NCBP2L: variants seen among roughly 807,000 people sequenced by gnomAD.
The protein encoded by NCBP2L is nuclear cap binding protein subunit 2 like.
For synonymous variants in NCBP2L, 39 were observed against 19.2 expected, an observed-to-expected ratio of 2.04 and a Z score of -2.70; for missense variants, 95 against 53.1, an observed-to-expected ratio of 1.79 and a Z score of -2.45.
Position 107,782,217 on chromosome X carries a change from A to T in NCBP2L, c.-73+4359A>T, listed in dbSNP as rs1930309349. ...TATAAATATATATATATAAATATAT[A>T]TATAAATATATATATATAAATATAT... On this transcript the variant is annotated intron_variant, in intron 1 of 1. Coordinates refer to ENST00000509000, the MANE Select transcript of NCBP2L (RefSeq NM_001348372.2). Among the ~76,000 whole-genome samples, 3 of 24,839 alleles carry T rather than the reference A, an allele frequency of 1.2e-4. 1 individual carries two copies. The highest frequency in any genetic ancestry group is 1.8e-4 in the Non-Finnish European group (3 of 16,496). The allele number at this position is 24,839 out of a possible 115,157, so 21.6% of individuals were successfully genotyped here. A position where few individuals can be genotyped will look rare whatever the true frequency, so the allele number is the denominator to read the frequency against.
At position 107,782,264 on chromosome X, in the gene NCBP2L, TATATATATATAA is replaced by T. The variant is rs1569457275; in HGVS notation, c.-73+4416_-73+4427del. ...ATATATATATAAATATATATATAAA[TATATATATATAA>T]ATATATATAAATATATATATATAAA... On this transcript the variant is annotated intron_variant, in intron 1 of 1. Transcript: ENST00000509000. 1.0e-3 allele frequency among the ~76,000 whole-genome samples: 16 copies of T among 15,487 alleles called. 4 individuals carry two copies. Among genetic ancestry groups the T allele is most frequent in the African/African-American group, 9.8e-3 (13 of 1,323 alleles). The allele number at this position is 15,487 out of a possible 115,157, so 13.4% of individuals were successfully genotyped here.
chrX:107,792,811 G>A, intron 1 of NCBP2L, among the ~76,000 whole-genome samples: 1 of 111,852 alleles, frequency 8.9e-6, no homozygotes, highest in East Asian at 2.8e-4. Flanking sequence ...GGGTGTTGTA[G>A]TGGCAAGTGA....
At chrX:107,784,807 C>CA (rs10550955) in intron 1 of NCBP2L, among the ~76,000 whole-genome samples, 581 of 40,983 alleles carry the variant, frequency 0.014, 3 homozygotes, top group South Asian at 0.041. Context: ...CCCATCTCCA[C>CA]AAAAAAAAAA....
At chrX:107,783,111 A>G (rs1930347066) in intron 1 of NCBP2L, among the ~76,000 whole-genome samples, 1 of 110,368 alleles carries the variant, frequency 9.1e-6, no homozygotes, top group African/African-American at 3.3e-5. Context: ...GTTCTTGGGC[A>G]TGGTAGATAC....
chrX:107,794,367 T>C lies in NCBP2L; in HGVS notation c.147T>C (p.Tyr49=), dbSNP rs1341236745. The C allele has an allele frequency of 5.3e-6, 3 of 568,997 alleles. No individual in the cohort carries two copies. In the African/African-American group the frequency reaches 6.7e-5, roughly 13 times the overall value. 46.9% of individuals were successfully genotyped at this position (568,997 alleles called of 1,213,427 possible). A position where few individuals can be genotyped will look rare whatever the true frequency, so the allele number is the denominator to read the frequency against. The change falls in exon 2 of 2, where the codon TAT becomes TAC. Residue 49 remains tyrosine (Y), a synonymous_variant. Transcript: ENST00000509000. ...TGAATATGGGGAATCTTTCCTTTTA[T>C]ACAACCGAAGAGAAAATACATGAAC... ...STLNMGNLSF[Y]TTEEKIHELF...
Position 107,794,566 on chromosome X carries a change from G to A in NCBP2L, c.346G>A (p.Gly116Ser), listed in dbSNP as rs777626552. Reference sequence around the variant, plus strand: ...GATTATCTGCACTGATTGGGATGTCGGTTTTAGAGAGGGTCAACAGTATGG... The same window carrying A: ...GATTATCTGCACTGATTGGGATGTCAGTTTTAGAGAGGGTCAACAGTATGG... ...EWIICTDWDVGFREGQQYGRG... is the reference protein window; with the variant it reads ...EWIICTDWDVSFREGQQYGRG... Residue 116 changes from glycine to serine, a missense_variant, in exon 2 of 2, where the codon GGT becomes AGT. Gly to Ser is a moderately conservative substitution (Grantham distance 56). Transcript: ENST00000509000. The A allele has an allele frequency of 5.5e-5, 31 of 567,894 alleles. 1 individual carries two copies. In the South Asian group the frequency reaches 6.0e-4, roughly 11 times the overall value. 46.8% of individuals were successfully genotyped at this position (567,894 alleles called of 1,213,427 possible).
intron 1 of NCBP2L, among the ~76,000 whole-genome samples, chrX:107,779,629 C>T (rs754870345): frequency 9.0e-6 from 1 of 110,808 alleles, no homozygotes; most frequent in African/African-American, 3.3e-5. Context: ...GGTTTCGCCA[C>T]ATTGGCCAAG....
rs1432179503 is a variant in NCBP2L, at chrX:107,795,611, T to G, written c.*929T>G. 2.7e-5 allele frequency: 3 copies of G among 111,857 alleles called. No individual in the cohort carries two copies. The East Asian group carries it at 8.4e-4, about 31-fold the overall frequency. 9.2% of individuals were successfully genotyped at this position (111,857 alleles called of 1,213,427 possible). Reference sequence around the variant, plus strand: ...TTTGGGTTAGATGATTTTGCCCAAGTGTAGGCTAATGTAAAATGTTTAAGA... The same window carrying G: ...TTTGGGTTAGATGATTTTGCCCAAGGGTAGGCTAATGTAAAATGTTTAAGA... On this transcript the variant is annotated 3_prime_UTR_variant, in exon 2 of 2. Coordinates refer to ENST00000509000, the MANE Select transcript of NCBP2L (RefSeq NM_001348372.2).
chrX:107,794,136 C>T lies in NCBP2L; in HGVS notation c.-72-13C>T. On this transcript the variant is annotated splice_polypyrimidine_tract_variant and intron_variant, in intron 1 of 1. Coordinates refer to ENST00000509000, the MANE Select transcript of NCBP2L (RefSeq NM_001348372.2). ...CTCCTTTTGACTTCCCTCTTTTTTT[C>T]AACTCAACTTAGGTTTTCAGTGGTG... The T allele has an allele frequency of 8.7e-6, 4 of 461,462 alleles. No homozygotes were observed. The highest frequency in any genetic ancestry group is 1.5e-5 in the Non-Finnish European group (4 of 258,266). The allele number at this position is 461,462 out of a possible 1,213,427, so 38.0% of individuals were successfully genotyped here.
intron 1 of NCBP2L, among the ~76,000 whole-genome samples, chrX:107,778,558 C>CT (rs1271904744): frequency 2.7e-5 from 3 of 112,862 alleles, no homozygotes; most frequent in Non-Finnish European, 1.9e-5. Flanking sequence ...CAGGAGAAGG[C>CT]TGACTGGGCA....
At chrX:107,783,447 A>T (rs1396498449) in intron 1 of NCBP2L, among the ~76,000 whole-genome samples, 1 of 100,390 alleles carries the variant, frequency 1.0e-5, no homozygotes, top group Non-Finnish European at 2.0e-5. Flanking sequence ...ATCTCCGCTC[A>T]CTGCAGCTTC....
intron 1 of NCBP2L, among the ~76,000 whole-genome samples, chrX:107,782,326 AATATATATATAAAT>A (rs1482852089): frequency 3.3e-4 from 10 of 30,514 alleles, no homozygotes; most frequent in South Asian, 1.4e-3. Context: ...TATATATATA[AATATATATATAAAT>A]ATATATATAT....
rs1930274383 is a variant in NCBP2L, at chrX:107,781,658, C to CTATCTATCTA, written c.-73+3802_-73+3811dup. 1.3e-4 allele frequency among the ~76,000 whole-genome samples: 9 copies of CTATCTATCTA among 68,481 alleles called. No homozygotes were observed. In the South Asian group the frequency reaches 5.7e-3, roughly 43 times the overall value. 59.5% of individuals were successfully genotyped at this position (68,481 alleles called of 115,157 possible). On this transcript the variant is annotated intron_variant, in intron 1 of 1. Transcript: ENST00000509000. ...ATCTATCTATCTATCTATCATCTAT[C>CTATCTATCTA]TATCTATCTATCTATCTATCTCTCT...
rs765289800 is a variant in NCBP2L at position 107,792,459 on chromosome X, G to GC, written c.-72-1689dup. On this transcript the variant is annotated intron_variant, in intron 1 of 1. Coordinates refer to ENST00000509000, the MANE Select transcript of NCBP2L (RefSeq NM_001348372.2). ...GTATACTTTCAGACATCCTTGACAGGCTGTCAGGAAGATGATTTTTGGCCA... is the reference window on the plus strand; with the variant it reads ...GTATACTTTCAGACATCCTTGACAGGCCTGTCAGGAAGATGATTTTTGGCCA... Among the ~76,000 whole-genome samples the GC allele has an allele frequency of 2.7e-5, 3 of 111,851 alleles. No homozygotes were observed. The South Asian group carries it at 1.1e-3, about 42-fold the overall frequency.
chrX:107,790,486 C>T (rs1007428416), intron 1 of NCBP2L, among the ~76,000 whole-genome samples: 1 of 110,771 alleles, frequency 9.0e-6, no homozygotes, highest in Admixed American at 9.6e-5. Flanking sequence ...CTTACAAGGC[C>T]CCTCACAATC....
intron 1 of NCBP2L, among the ~76,000 whole-genome samples, chrX:107,783,367 T>A (rs1212052850): frequency 1.2e-4 from 12 of 96,183 alleles, no homozygotes; most frequent in African/African-American, 1.6e-4. Context: ...CCTTTTTTTT[T>A]TTTTTTTTTT....
At chrX:107,782,943 G>GTATA (rs750369702) in intron 1 of NCBP2L, among the ~76,000 whole-genome samples, 11 of 104,888 alleles carry the variant, frequency 1.0e-4, no homozygotes, top group African/African-American at 3.8e-4. Context: ...ATACATGTGT[G>GTATA]TATATATATA....
chrX:107,779,784 G>A (rs761002984), intron 1 of NCBP2L, among the ~76,000 whole-genome samples: 1 of 75,168 alleles, frequency 1.3e-5, no homozygotes, highest in East Asian at 4.6e-4. Context: ...TCGCTCTGTC[G>A]CCCAGGCTGG....
At chrX:107,781,691 T>TCTCTCG (rs1930279293) in intron 1 of NCBP2L, among the ~76,000 whole-genome samples, 1 of 82,568 alleles carries the variant, frequency 1.2e-5, no homozygotes, top group African/African-American at 5.1e-5. Flanking sequence ...TCTCTCTCTC[T>TCTCTCG]CTATATATAT....
Sources: allele counts gnomAD v4.1 joint callset (sites outside exome capture counted in the v4.1 genomes callset), GRCh38; gene constraint gnomAD v4.1.1; transcripts MANE v1.5; gene names NCBI Gene and HGNC (gene_info 2026-07-23, HGNC 2026-07-21).